KYNU: variants seen among roughly 807,000 people sequenced by gnomAD.
The protein encoded by KYNU is L-kynurenine hydrolase.
Under a neutral mutation model 59.2 loss-of-function variants are expected in KYNU, and 54 were observed. The ratio of observed to expected loss-of-function variants is 0.91; its 90% CI spans 0.73 to 1.14. The LOEUF is 1.14. Among genes scored for constraint, KYNU ranks in the 50% most tolerant of loss-of-function variants. The pLI is 0.00. For synonymous variants in KYNU, 177 were observed against 192.0 expected (o/e 0.92, Z 0.65); for missense variants, 567 against 554.4 (o/e 1.02, Z -0.23).
intron 11 of KYNU, among the ~76,000 whole-genome samples, chr2:143,031,886 A>G (rs902693594): frequency 1.3e-5 from 2 of 152,214 alleles, no homozygotes; most frequent in Non-Finnish European, 2.9e-5. Context: ...GGGAAGTCTC[A>G]GGAAACTTAC....
chr2:142,974,377 G>A (rs1199450570), intron 8 of KYNU, among the ~76,000 whole-genome samples: 2 of 152,184 alleles, frequency 1.3e-5, no homozygotes, highest in East Asian at 3.8e-4. Context: ...TAAGGTGAAC[G>A]TAGAGTAGGA....
chr2:142,892,000 C>A (rs574347013), intron 2 of KYNU, among the ~76,000 whole-genome samples: 1 of 152,158 alleles, frequency 6.6e-6, no homozygotes, highest in African/African-American at 2.4e-5. Context: ...GCAACCTCCA[C>A]CCCCTGAACT....
chr2:143,002,417 T>G (rs1685730655), intron 10 of KYNU, among the ~76,000 whole-genome samples: 1 of 152,226 alleles, frequency 6.6e-6, no homozygotes. Context: ...TCTTTCATAT[T>G]TGGGTTATGA....
intron 10 of KYNU, among the ~76,000 whole-genome samples, chr2:143,006,204 G>A (rs1054415660): frequency 1.0e-3 from 155 of 152,156 alleles, no homozygotes; most frequent in Non-Finnish European, 1.5e-3. Flanking sequence ...TGCACGCACC[G>A]TGCGCGAGCC....
chr2:142,965,648 T>C (rs773056948), intron 8 of KYNU, among the ~76,000 whole-genome samples: 1 of 152,120 alleles, frequency 6.6e-6, no homozygotes, highest in Non-Finnish European at 1.5e-5. Flanking sequence ...TCATCCTAAG[T>C]GCTAAATCTT....
In KYNU at chr2:143,055,589, A is replaced by T. The variant is rs1687338865; in HGVS notation, c.*13417A>T. ...ATGTAAAATATTCATACCTCTAAGG[A>T]TTAGGACATGGACATCTTTGAGGGT... On this transcript the variant is annotated 3_prime_UTR_variant, in exon 14 of 14. Coordinates refer to ENST00000264170, the MANE Select transcript of KYNU (RefSeq NM_003937.3). The T allele has an allele frequency of 6.6e-6, 1 of 151,910 alleles. No individual in the cohort carries two copies. The highest frequency in any genetic ancestry group is 2.4e-5 in the African/African-American group (1 of 41,372). The allele number at this position is 151,910 out of a possible 1,614,324, so 9.4% of individuals were successfully genotyped here.
At chr2:142,880,109 G>A (rs543665178) in intron 1 of KYNU, among the ~76,000 whole-genome samples, 1 of 152,136 alleles carries the variant, frequency 6.6e-6, no homozygotes, top group Non-Finnish European at 1.5e-5. Flanking sequence ...TTATTCTCTC[G>A]AACTGCCACT....
chr2:142,909,505 C>T (rs1053642061), intron 2 of KYNU, among the ~76,000 whole-genome samples: 8 of 152,092 alleles, frequency 5.3e-5, no homozygotes, highest in African/African-American at 1.9e-4. Flanking sequence ...CCCTTTATAG[C>T]TATATGTACC....
intron 1 of KYNU, among the ~76,000 whole-genome samples, chr2:142,883,151 A>G (rs1425095256): frequency 7.2e-6 from 1 of 139,524 alleles, no homozygotes; most frequent in Non-Finnish European, 1.6e-5. Flanking sequence ...CATTAAACTT[A>G]TAAAATTTCA....
intron 10 of KYNU, among the ~76,000 whole-genome samples, chr2:142,994,053 C>G (rs1558965163): frequency 6.6e-6 from 1 of 151,978 alleles, no homozygotes; most frequent in Non-Finnish European, 1.5e-5. Context: ...AAGTTTTAGC[C>G]CTAAAGTAAC....
Position 142,968,721 on chromosome 2 carries a change from C to T in KYNU, c.729+7951C>T, listed in dbSNP as rs1301663839. ...GTGAGCCTAGGAGTTCGAGACCAGC[C>T]TGAGCAACATGTTGAAACATCGCCT... is the stretch of plus-strand genomic sequence containing the variant. On this transcript the variant is annotated intron_variant, in intron 8 of 13. Transcript: ENST00000264170. Among the ~76,000 whole-genome samples, 3 of 152,142 alleles carry T rather than the reference C, an allele frequency of 2.0e-5. No homozygotes were observed. The East Asian group carries it at 5.8e-4, about 29-fold the overall frequency.
At chr2:142,983,541 A>G (rs1045323490) in intron 8 of KYNU, among the ~76,000 whole-genome samples, 2 of 152,052 alleles carry the variant, frequency 1.3e-5, no homozygotes, top group African/African-American at 4.8e-5. Context: ...TTAAATATGC[A>G]CATGATGTGG....
intron 4 of KYNU, among the ~76,000 whole-genome samples, chr2:142,929,025 A>AAAAAAAAAAAG (rs1683129423): frequency 6.9e-6 from 1 of 145,206 alleles, no homozygotes; most frequent in Non-Finnish European, 1.5e-5. Flanking sequence ...AAAAAAAAAA[A>AAAAAAAAAAAG]CAAAAAACGA....
chr2:142,882,916 C>T (rs1260208133), intron 1 of KYNU, among the ~76,000 whole-genome samples: 1 of 152,160 alleles, frequency 6.6e-6, no homozygotes, highest in South Asian at 2.1e-4. Flanking sequence ...CTGTCTTCCA[C>T]AATGGTTGAA....
intron 13 of KYNU, among the ~76,000 whole-genome samples, chr2:143,041,292 C>T (rs907586026): frequency 6.6e-6 from 1 of 151,984 alleles, no homozygotes; most frequent in South Asian, 2.1e-4. Flanking sequence ...TTGCTTGGCT[C>T]ATGTTTACCT....
intron 10 of KYNU, among the ~76,000 whole-genome samples, chr2:143,011,934 G>A (rs1177420621): frequency 3.3e-4 from 47 of 144,500 alleles, no homozygotes; most frequent in African/African-American, 1.2e-3. Flanking sequence ...GAGTGGGGAG[G>A]GATAGCACTG....
intron 2 of KYNU, among the ~76,000 whole-genome samples, chr2:142,912,811 G>A (rs188667564): frequency 2.8e-5 from 4 of 142,724 alleles, no homozygotes; most frequent in Admixed American, 2.3e-4. Context: ...CCGGGTTCAC[G>A]CCATTCACCT....
intron 10 of KYNU, among the ~76,000 whole-genome samples, chr2:143,012,062 A>AT (rs1686119700): frequency 1.5e-5 from 2 of 134,656 alleles, no homozygotes; most frequent in Admixed American, 7.3e-5. Flanking sequence ...TTAAAGTATA[A>AT]TAAAAAAAAA....
In KYNU at chr2:143,033,283, C is replaced by A. The variant is rs1281114078; in HGVS notation, c.1003C>A (p.Pro335Thr). 6.2e-7 allele frequency: 1 copy of A among 1,613,780 alleles called. No individual in the cohort carries two copies. Among genetic ancestry groups the A allele is most frequent in the Non-Finnish European group, 8.5e-7 (1 of 1,179,770 alleles). Residue 335 changes from proline to threonine, a missense_variant, in exon 12 of 14, where the codon CCC (proline) becomes ACC (threonine). Pro to Thr is a conservative substitution (Grantham distance 38). Transcript: ENST00000264170. ...CTGTGGATTCCGAATTTCAAATCCTCCCATTTTGTTGGTCTGTTCCTTGCA... is the reference window on the plus strand; with the variant it reads ...CTGTGGATTCCGAATTTCAAATCCTACCATTTTGTTGGTCTGTTCCTTGCA... ...GVCGFRISNP[P>T]ILLVCSLHAS...
Sources: allele counts gnomAD v4.1 joint callset (sites outside exome capture counted in the v4.1 genomes callset), GRCh38; gene constraint gnomAD v4.1.1; transcripts MANE v1.5; gene names NCBI Gene and HGNC (gene_info 2026-07-23, HGNC 2026-07-21).